The following HDGFL3 variants were observed in gnomAD, a reference collection of about 807,000 sequenced individuals.
The protein encoded by HDGFL3 is HDGF like 3, also known as hepatoma-derived growth factor-related protein 3.
Under a neutral mutation model 27.6 loss-of-function variants are expected in HDGFL3, and 6 were observed. The ratio of observed to expected loss-of-function variants is 0.22; its 90% CI spans 0.12 to 0.43. The LOEUF (loss-of-function observed/expected upper bound fraction) is 0.43, where lower values mean the gene tolerates loss of function less well. Ranked by LOEUF, HDGFL3 falls within the 20% of genes least tolerant of loss-of-function variation. HDGFL3 has a pLI of 1.00. For synonymous variants in HDGFL3, 88 were observed against 88.9 expected (o/e 0.99, Z 0.05); for missense variants, 207 against 250.1 (o/e 0.83, Z 1.16).
At chr15:83,198,921 G>A (rs1049834527) in intron 1 of HDGFL3, among the ~76,000 whole-genome samples, 11 of 152,076 alleles carry the variant, frequency 7.2e-5, no homozygotes, top group African/African-American at 2.7e-4. Flanking sequence ...GGGGACAAAC[G>A]GATCATATAA....
Position 83,132,750 on chromosome 15 carries a change from G to C in HDGFL3, c.*6520C>G, listed in dbSNP as rs2036339568. The stretch of plus-strand genomic sequence containing the variant: ...TGGAGACGTTAAGAAAAATCTGAAA[G>C]TAACAGTTTAGGAAGAACACGGATA... On this transcript the variant is annotated 3_prime_UTR_variant, in exon 6 of 6. Coordinates refer to ENST00000299633, the MANE Select transcript of HDGFL3 (RefSeq NM_016073.4). 6.6e-6 allele frequency: 1 copy of C among 152,046 alleles called. No homozygotes were observed. The highest frequency in any genetic ancestry group is 6.6e-5 in the Admixed American group (1 of 15,252). The allele number at this position is 152,046 out of a possible 1,614,324, so 9.4% of individuals were successfully genotyped here.
At chr15:83,124,601 T>C (rs2151370670), downstream of HDGFL3, 3 of 1,178,738 alleles carry the variant, frequency 2.5e-6, no homozygotes, top group East Asian at 4.8e-5. Context: ...CATCATGACA[T>C]TTAATGTTTC....
intron 3 of HDGFL3, chr15:83,119,857 A>G (rs2035058744): frequency 1.1e-6 from 1 of 952,196 alleles, no homozygotes; most frequent in East Asian, 2.7e-5. Context: ...CCTTTTGAAT[A>G]TGTCCTTCTG....
At chr15:83,150,581 A>AT (rs1478624388) in intron 5 of HDGFL3, among the ~76,000 whole-genome samples, 2 of 152,218 alleles carry the variant, frequency 1.3e-5, no homozygotes, top group Non-Finnish European at 2.9e-5. Flanking sequence ...TTTTTAAATG[A>AT]TTTGACATTG....
At chr15:83,119,436 C>T in intron 3 of HDGFL3, 2 of 885,864 alleles carry the variant, frequency 2.3e-6, no homozygotes, top group Non-Finnish European at 3.5e-6. Flanking sequence ...TTTCATGTTC[C>T]TACCAATTTT....
intron 1 of HDGFL3, among the ~76,000 whole-genome samples, chr15:83,184,174 C>T (rs1408120505): frequency 6.6e-6 from 1 of 152,120 alleles, no homozygotes; most frequent in Non-Finnish European, 1.5e-5. Context: ...AAATGATATG[C>T]GATATCAACT....
At chr15:83,142,622 C>T (rs1219421090) in intron 5 of HDGFL3, among the ~76,000 whole-genome samples, 1 of 151,886 alleles carries the variant, frequency 6.6e-6, no homozygotes, top group South Asian at 2.1e-4. Flanking sequence ...ATGAGTTAAC[C>T]TTTAATAATA....
rs1443067323 is a variant in HDGFL3, at chr15:83,139,214, A to G, written c.*56T>C. On this transcript the variant is annotated 3_prime_UTR_variant, in exon 6 of 6. Transcript: ENST00000299633. ...ATATCAAATCCAAGAATATTAGACA[A>G]CCAAACATATAACCTTCTTGTGGTT... 36 of 1,278,688 alleles carry G rather than the reference A, an allele frequency of 2.8e-5. No individual in the cohort carries two copies. The highest frequency in any genetic ancestry group is 2.1e-6 in the Non-Finnish European group (2 of 952,456). The allele number at this position is 1,278,688 out of a possible 1,614,324, so 79.2% of individuals were successfully genotyped here.
chr15:83,127,553 G>T, downstream of HDGFL3: 1 of 1,550,428 alleles, frequency 6.4e-7, no homozygotes, highest in Non-Finnish European at 8.8e-7. Flanking sequence ...AAACTTCTCT[G>T]CTCAGTGTTT....
In HDGFL3 at chr15:83,207,078, C is replaced by A. The variant is rs1184921564; in HGVS notation, c.84+253G>T. 6.6e-6 allele frequency among the ~76,000 whole-genome samples: 1 copy of A among 152,204 alleles called. No individual in the cohort carries two copies. The highest frequency in any genetic ancestry group is 1.5e-5 in the Non-Finnish European group (1 of 68,034). On this transcript the variant is annotated intron_variant, in intron 1 of 5. Coordinates refer to ENST00000299633, the MANE Select transcript of HDGFL3 (RefSeq NM_016073.4). The surrounding 1 kb of genome is among the most constrained non-coding windows in gnomAD (Gnocchi z 4.8). ...CGGCTTTCCAGGAGGAAGGCAGCGT[C>A]GGGCCTGCGGGGGCCGGACCCGCCT... is the stretch of plus-strand genomic sequence containing the variant.
chr15:83,120,187 G>A (rs2035088021), intron 3 of HDGFL3: 1 of 159,590 alleles, frequency 6.3e-6, no homozygotes, highest in South Asian at 1.8e-4. Context: ...CAGGAGCCGA[G>A]TCTGATGTGA....
intron 2 of HDGFL3, among the ~76,000 whole-genome samples, chr15:83,162,410 T>A (rs2037112995): frequency 6.6e-6 from 1 of 152,168 alleles, no homozygotes; most frequent in African/African-American, 2.4e-5. Context: ...TAGACTACTG[T>A]ACAACCAGAT....
chr15:83,145,897 C>CTTTTTTTTTT lies in HDGFL3; in HGVS notation c.606+5308_606+5317dup, dbSNP rs3082058. Among the ~76,000 whole-genome samples the CTTTTTTTTTT allele has an allele frequency of 1.6e-4, 8 of 49,436 alleles. 2 individuals carry two copies. Among genetic ancestry groups the CTTTTTTTTTT allele is most frequent in the African/African-American group, 2.4e-4 (3 of 12,304 alleles). 32.4% of individuals were successfully genotyped at this position (49,436 alleles called of 152,430 possible). ...TTCTCTCTCTCTCCCTTTCTTCTTC[C>CTTTTTTTTTT]TTTTTTTTTTTTTTTTTTTTTTTTT... On this transcript the variant is annotated intron_variant, in intron 5 of 5. Coordinates refer to ENST00000299633, the MANE Select transcript of HDGFL3 (RefSeq NM_016073.4).
At chr15:83,118,603 C>T (rs1031088764) in intron 3 of HDGFL3, among the ~76,000 whole-genome samples, 1 of 152,176 alleles carries the variant, frequency 6.6e-6, no homozygotes, top group Non-Finnish European at 1.5e-5. Flanking sequence ...ACAGAGCAGT[C>T]CTTGCCCCAG....
chr15:83,163,874 C>T, intron 2 of HDGFL3, 125 bp downstream of exon 2: 1 of 663,932 alleles, frequency 1.5e-6, no homozygotes, highest in Non-Finnish European at 2.6e-6. Flanking sequence ...ACATTATTAA[C>T]TTTGGCAATT....
intron 2 of HDGFL3, among the ~76,000 whole-genome samples, chr15:83,159,150 T>C (rs1324092442): frequency 6.6e-6 from 1 of 152,218 alleles, no homozygotes; most frequent in Non-Finnish European, 1.5e-5. Context: ...CTATTATTTC[T>C]ATAAATTAAA....
At chr15:83,177,460 AATG>A (rs1304944340) in intron 1 of HDGFL3, among the ~76,000 whole-genome samples, 2 of 152,228 alleles carry the variant, frequency 1.3e-5, no homozygotes, top group African/African-American at 4.8e-5. Flanking sequence ...ACTTCCATTT[AATG>A]ATTAAGAAAA....
chr15:83,190,433 T>A (rs947326005), intron 1 of HDGFL3, among the ~76,000 whole-genome samples: 1 of 152,218 alleles, frequency 6.6e-6, no homozygotes, highest in African/African-American at 2.4e-5. Context: ...CAGTATTGTA[T>A]AAGAGTTTCT....
chr15:83,173,583 G>A (rs2037272453), intron 1 of HDGFL3, among the ~76,000 whole-genome samples: 1 of 151,972 alleles, frequency 6.6e-6, no homozygotes, highest in Non-Finnish European at 1.5e-5. Flanking sequence ...CTAATCTAGC[G>A]ATTTTTTATG....
Sources: gnomAD v4.1 joint callset for allele counts (sites outside exome capture counted in the v4.1 genomes callset) on GRCh38, gnomAD v4.1.1 for gene constraint, Gnocchi (gnomAD v3.1) non-coding constraint, MANE v1.5 for transcripts, NCBI Gene and HGNC (gene_info 2026-07-23, HGNC 2026-07-21) for gene names.